THADA: variants seen among roughly 807,000 people sequenced by gnomAD.
THADA encodes the protein tRNA (32-2'-O)-methyltransferase regulator THADA.
THADA carries 213 observed loss-of-function variants against 219.8 expected under a neutral mutation model. That is an observed-to-expected ratio of 0.97 (90% CI 0.87 to 1.09). THADA has a LOEUF of 1.09. Ranked by LOEUF, THADA falls within the 50% of genes least tolerant of loss-of-function variation. THADA has a pLI of 0.00. For missense variants in THADA, 2,956 were observed against 2,311.3 expected (o/e 1.28, Z -5.72); for synonymous variants, 1,018 against 828.9 (o/e 1.23, Z -3.92).
chr2:43,445,713 C>G (rs559694877), intron 26 of THADA, among the ~76,000 whole-genome samples: 8 of 152,264 alleles, frequency 5.3e-5, no homozygotes, highest in African/African-American at 1.9e-4. Flanking sequence ...TGCTCTGTCA[C>G]CCAGGCTAAG....
In THADA at chr2:43,430,226, TG is replaced by T; in HGVS notation, c.3912del (p.Asn1305IlefsTer3). ...TTCTCTTCTTACCTGTCTACTGTATTGGCTACAGTTTCCAACTGTTTGAGAA... is the reference window on the plus strand; with the variant it reads ...TTCTCTTCTTACCTGTCTACTGTATTGCTACAGTTTCCAACTGTTTGAGAA... ...PFLLKQLETV[A>X]NTVDSDMGEP... On this transcript the variant is annotated frameshift_variant, in exon 27 of 38. Transcript: ENST00000405975. LOFTEE classifies it high-confidence loss of function. The T allele has an allele frequency of 6.5e-7, 1 of 1,539,532 alleles. No individual in the cohort carries two copies. The highest frequency in any genetic ancestry group is 8.8e-7 in the Non-Finnish European group (1 of 1,139,458).
At chr2:43,242,798 C>CAAG (rs1668753177) in intron 36 of THADA, among the ~76,000 whole-genome samples, 1 of 152,206 alleles carries the variant, frequency 6.6e-6, no homozygotes, top group Non-Finnish European at 1.5e-5. Flanking sequence ...CCAGCACCTA[C>CAAG]ATTCTTGACC....
chr2:43,253,979 C>T lies in THADA; in HGVS notation c.5297-21097G>A, dbSNP rs79006531. On this transcript the variant is annotated intron_variant, in intron 36 of 37. Coordinates refer to ENST00000405975, the MANE Select transcript of THADA (RefSeq NM_022065.5). ...GCTGTCCCCAGTCTCCCTCTGGAGA[C>T]CCAGCCCCTCCACACCTTTTAGTCC... Among the ~76,000 whole-genome samples the T allele has an allele frequency of 8.3e-3, 1,257 of 152,170 alleles. 18 individuals carry two copies. Among genetic ancestry groups the T allele is most frequent in the African/African-American group, 0.028 (1,169 of 41,524 alleles).
In THADA at chr2:43,500,495, GATATGCAAGAA is replaced by G. The variant is rs1486265997; in HGVS notation, c.3622-1551_3622-1541del. Among the ~76,000 whole-genome samples the G allele has an allele frequency of 3.9e-5, 6 of 152,292 alleles. No homozygotes were observed. In the South Asian group the frequency reaches 1.2e-3, roughly 32 times the overall value. On this transcript the variant is annotated intron_variant, in intron 24 of 37. Transcript: ENST00000405975. Reference sequence around the variant, plus strand: ...CCAGTCTCACTCACAAAACCAGTGAGATATGCAAGAATGCAAAGATAAATTGAAAAATCAAT... The same window carrying G: ...CCAGTCTCACTCACAAAACCAGTGAGTGCAAAGATAAATTGAAAAATCAAT...
At chr2:43,445,288 C>T (rs949908547) in intron 26 of THADA, among the ~76,000 whole-genome samples, 1 of 152,172 alleles carries the variant, frequency 6.6e-6, no homozygotes, top group East Asian at 1.9e-4. Flanking sequence ...ATAGAAACAA[C>T]TAATAAAAAG....
chr2:43,489,068 G>A (rs1180415388), intron 25 of THADA, among the ~76,000 whole-genome samples: 1 of 152,102 alleles, frequency 6.6e-6, no homozygotes, highest in Non-Finnish European at 1.5e-5. Flanking sequence ...CTTATCAGAT[G>A]TATAATACGC....
At chr2:43,256,948 G>C (rs947292687) in intron 36 of THADA, among the ~76,000 whole-genome samples, 1 of 152,176 alleles carries the variant, frequency 6.6e-6, no homozygotes. Flanking sequence ...CTGAAGCCAA[G>C]AGAGTAGAGC....
At chr2:43,314,820 A>G (rs1282799721) in intron 31 of THADA, among the ~76,000 whole-genome samples, 1 of 152,254 alleles carries the variant, frequency 6.6e-6, no homozygotes, top group Non-Finnish European at 1.5e-5. Context: ...CACAGGGGAC[A>G]GAGAGTCCTT....
At chr2:43,411,805 T>C (rs2104761935) in intron 28 of THADA, among the ~76,000 whole-genome samples, 1 of 152,292 alleles carries the variant, frequency 6.6e-6, no homozygotes, top group African/African-American at 2.4e-5. Context: ...GCACGGTACA[T>C]TATTATACAG....
At chr2:43,449,876 T>C (rs781351881) in intron 26 of THADA, among the ~76,000 whole-genome samples, 5 of 152,176 alleles carry the variant, frequency 3.3e-5, no homozygotes, top group Non-Finnish European at 4.4e-5. Flanking sequence ...ATATTCAAAG[T>C]GCTGAAAGAA....
At chr2:43,250,885 C>G (rs1038389490) in intron 36 of THADA, among the ~76,000 whole-genome samples, 2 of 152,066 alleles carry the variant, frequency 1.3e-5, no homozygotes, top group East Asian at 3.9e-4. Flanking sequence ...AGGGATTGGG[C>G]CTCTTCAATG....
intron 29 of THADA, among the ~76,000 whole-genome samples, chr2:43,354,340 T>C (rs889541714): frequency 1.3e-5 from 2 of 152,152 alleles, no homozygotes; most frequent in African/African-American, 4.8e-5. Flanking sequence ...CGATGTGTAC[T>C]GACCATTTAT....
At chr2:43,515,028 TAATA>T (rs1691206898) in intron 22 of THADA, among the ~76,000 whole-genome samples, 1 of 40,710 alleles carries the variant, frequency 2.5e-5, no homozygotes, top group African/African-American at 1.1e-4. Context: ...ATTTTATATA[TAATA>T]TATATAAATA....
chr2:43,362,566 G>C (rs748459079), intron 29 of THADA, among the ~76,000 whole-genome samples: 1 of 152,152 alleles, frequency 6.6e-6, no homozygotes, highest in African/African-American at 2.4e-5. Flanking sequence ...GAGCTTGCAG[G>C]ACTAGAAGTT....
intron 26 of THADA, among the ~76,000 whole-genome samples, chr2:43,477,639 C>T (rs1245476489): frequency 1.3e-5 from 2 of 152,180 alleles, no homozygotes; most frequent in African/African-American, 4.8e-5. Flanking sequence ...TCACAGAATA[C>T]TCTGATACAA....
At chr2:43,271,156 C>A (rs770035864) in intron 36 of THADA, among the ~76,000 whole-genome samples, 83 of 152,194 alleles carry the variant, frequency 5.5e-4, no homozygotes, top group Non-Finnish European at 9.8e-4. Flanking sequence ...CAGGGCCGGC[C>A]CTGTGCTAGG....
chr2:43,525,822 G>A (rs1253061357), intron 22 of THADA, among the ~76,000 whole-genome samples: 1 of 152,060 alleles, frequency 6.6e-6, no homozygotes, highest in Non-Finnish European at 1.5e-5. Context: ...ATCTATGTGG[G>A]GACAAAAGTT....
At chr2:43,520,972 GGAGGGAGGAAGGGAGGA>G (rs1692362813) in intron 22 of THADA, among the ~76,000 whole-genome samples, 1 of 132,914 alleles carries the variant, frequency 7.5e-6, no homozygotes, top group South Asian at 2.4e-4. Context: ...AGGGAGGAAG[GGAGGGAGGAAGGGAGGA>G]AAGGGAGGAA....
Position 43,586,956 on chromosome 2 carries a change from G to A in THADA, c.349C>T (p.Arg117Cys), listed in dbSNP as rs61756227. The A allele has an allele frequency of 2.5e-3, 4,021 of 1,613,574 alleles. 30 individuals carry two copies. Among genetic ancestry groups the A allele is most frequent in the Non-Finnish European group, 2.2e-3 (2,613 of 1,179,746 alleles). The change falls in exon 5 of 38, where the codon CGT becomes TGT. Residue 117 changes from arginine to cysteine, a missense_variant. Transcript: ENST00000405975. Reference protein sequence around the residue: ...PDFFLPEAMHRFTSRLQEELN... With the variant: ...PDFFLPEAMHCFTSRLQEELN... Reference sequence around the variant, plus strand: ...TCTTCCTGAAGACGAGAAGTAAAACGGTGCATAGCCTCAGGTAGAAAAAAA... The same window carrying A: ...TCTTCCTGAAGACGAGAAGTAAAACAGTGCATAGCCTCAGGTAGAAAAAAA...
Sources: allele counts gnomAD v4.1 joint callset (sites outside exome capture counted in the v4.1 genomes callset), GRCh38; gene constraint gnomAD v4.1.1; transcripts MANE v1.5; gene names NCBI Gene and HGNC (gene_info 2026-07-23, HGNC 2026-07-21).